MAP3K13: variants seen among roughly 807,000 people sequenced by gnomAD.
The protein encoded by MAP3K13 is leucine zipper-bearing kinase.
In MAP3K13, 52 loss-of-function variants were observed where a neutral mutation model predicts 104.0. That is an observed-to-expected ratio of 0.50 (90% confidence interval 0.40 to 0.63). The LOEUF is 0.63. Ranked by LOEUF, MAP3K13 falls within the 20% of genes least tolerant of loss-of-function variation. The pLI is 0.00. For missense variants in MAP3K13, 914 were observed against 1,218.5 expected (o/e 0.75, Z 3.72); for synonymous variants, 394 against 442.2 (o/e 0.89, Z 1.37).
At chr3:185,292,701 G>A (rs1260152074) in intron 2 of MAP3K13, 2 of 985,300 alleles carry the variant, frequency 2.0e-6, no homozygotes, top group Admixed American at 6.1e-5. Flanking sequence ...CTCACTGAAA[G>A]CATGTACCAT....
At chr3:185,302,445 A>G (rs1348561213) in intron 2 of MAP3K13, among the ~76,000 whole-genome samples, 1 of 152,078 alleles carries the variant, frequency 6.6e-6, no homozygotes, top group Non-Finnish European at 1.5e-5. Context: ...AATAAATAAT[A>G]TTAAGTCTTC....
At chr3:185,402,318 A>G (rs1484718065) in intron 1 of MAP3K13, among the ~76,000 whole-genome samples, 1 of 151,894 alleles carries the variant, frequency 6.6e-6, no homozygotes, top group Non-Finnish European at 1.5e-5. Flanking sequence ...TTATTTATTT[A>G]TTGTCAGGGT....
chr3:185,416,208 C>A (rs1257765617), intron 1 of MAP3K13, among the ~76,000 whole-genome samples: 1 of 152,106 alleles, frequency 6.6e-6, no homozygotes, highest in Non-Finnish European at 1.5e-5. Context: ...CCGTTCCCCT[C>A]TTCTTAGCTC....
At position 185,466,900 on chromosome 3, in the gene MAP3K13, A is replaced by G; in HGVS notation, c.1580A>G (p.Asn527Ser). Residue 527 changes from asparagine to serine, a missense_variant, in exon 10 of 14, where the codon AAT (asparagine) becomes AGT (serine). By Grantham distance (46) the Asn-to-Ser change is conservative (BLOSUM62 1). Transcript: ENST00000265026. ...RHPVRPIIHPNAMEKLMKRKG... is the reference protein window; with the variant it reads ...RHPVRPIIHPSAMEKLMKRKG... ...CCTGTTCGTCCTATCATCCATCCCAATGCCATGGAGAAACTCATGAAAAGG... is the reference window on the plus strand; with the variant it reads ...CCTGTTCGTCCTATCATCCATCCCAGTGCCATGGAGAAACTCATGAAAAGG... 2 of 1,613,988 alleles carry G rather than the reference A, an allele frequency of 1.2e-6. No individual in the cohort carries two copies. Among genetic ancestry groups the G allele is most frequent in the Non-Finnish European group, 1.7e-6 (2 of 1,179,850 alleles).
intron 1 of MAP3K13, among the ~76,000 whole-genome samples, chr3:185,414,678 A>G (rs1206203177): frequency 6.6e-6 from 1 of 152,204 alleles, no homozygotes; most frequent in East Asian, 1.9e-4. Flanking sequence ...TGGAAGTCGA[A>G]GTCTGTTACT....
chr3:185,469,676 G>A (rs1282734157), intron 10 of MAP3K13, among the ~76,000 whole-genome samples: 1 of 152,130 alleles, frequency 6.6e-6, no homozygotes, highest in African/African-American at 2.4e-5. Flanking sequence ...GCCTACTTAT[G>A]AGCTGTGGCT....
At chr3:185,362,981 A>ACACACACACACACACACACACT (rs1479395247), upstream of MAP3K13, 5 of 461,544 alleles carry the variant, frequency 1.1e-5, no homozygotes. Flanking sequence ...ACACACACAC[A>ACACACACACACACACACACACT]CTCAAGCTGC....
intron 2 of MAP3K13, among the ~76,000 whole-genome samples, chr3:185,331,841 A>G (rs1722295509): frequency 6.6e-6 from 1 of 152,222 alleles, no homozygotes; most frequent in South Asian, 2.1e-4. Context: ...AAGGAAATAT[A>G]AAAGTATAAA....
chr3:185,455,670 T>TATATATATC (rs1716608686), intron 7 of MAP3K13, among the ~76,000 whole-genome samples: 3 of 23,254 alleles, frequency 1.3e-4, no homozygotes, highest in Non-Finnish European at 3.4e-4. Context: ...ATATATATGA[T>TATATATATC]ATATATATGA....
At chr3:185,343,738 A>G (rs966840810) in intron 2 of MAP3K13, among the ~76,000 whole-genome samples, 3 of 152,232 alleles carry the variant, frequency 2.0e-5, no homozygotes, top group Non-Finnish European at 2.9e-5. Context: ...GGTGTAAGCC[A>G]CTGCGCCTGG....
chr3:185,466,707 T>C, intron 9 of MAP3K13, 119 bp from the exon 10 acceptor site: 2 of 1,197,388 alleles, frequency 1.7e-6, no homozygotes, highest in South Asian at 2.7e-5. Context: ...TGAATAGCAG[T>C]CTTGTTATTC....
Position 185,453,677 on chromosome 3 carries a change from G to A in MAP3K13, c.1278+2282G>A, listed in dbSNP as rs531943099. ...CCAGCTACTCAGGAGGCTGAGGCAG[G>A]AGAATCACTTGAACCTGGGAGGCGG... On this transcript the variant is annotated intron_variant, in intron 7 of 13. Transcript: ENST00000265026. Among the ~76,000 whole-genome samples the A allele has an allele frequency of 6.6e-5, 10 of 151,240 alleles. No individual in the cohort carries two copies. The South Asian group carries it at 2.1e-3, about 32-fold the overall frequency.
chr3:185,357,342 G>A (rs374751430), intron 2 of MAP3K13, among the ~76,000 whole-genome samples: 3 of 150,978 alleles, frequency 2.0e-5, no homozygotes, highest in Admixed American at 2.0e-4. Flanking sequence ...CAGCTACTCA[G>A]GAGGCTGAGG....
intron 2 of MAP3K13, among the ~76,000 whole-genome samples, chr3:185,432,609 T>C (rs1303209022): frequency 6.6e-6 from 1 of 152,132 alleles, no homozygotes; most frequent in African/African-American, 2.4e-5. Flanking sequence ...GTCTTAGACT[T>C]ACTTTTGGTG....
At chr3:185,333,641 C>T in intron 2 of MAP3K13, among the ~76,000 whole-genome samples, 1 of 152,152 alleles carries the variant, frequency 6.6e-6, no homozygotes, top group Middle Eastern at 3.2e-3. Flanking sequence ...AGCCTGTAAT[C>T]CCAACATTTT....
At chr3:185,310,278 C>G (rs1049717111) in intron 2 of MAP3K13, among the ~76,000 whole-genome samples, 1 of 152,194 alleles carries the variant, frequency 6.6e-6, no homozygotes, top group Non-Finnish European at 1.5e-5. Context: ...GAATAGGCAT[C>G]TCCATTTCCA....
At chr3:185,420,278 T>C (rs961341011) in intron 1 of MAP3K13, among the ~76,000 whole-genome samples, 1 of 152,174 alleles carries the variant, frequency 6.6e-6, no homozygotes, top group Non-Finnish European at 1.5e-5. Context: ...AAAGGCACGA[T>C]TGTAGGCCAT....
At chr3:185,465,272 G>A (rs1407243450) in intron 8 of MAP3K13, among the ~76,000 whole-genome samples, 1 of 152,126 alleles carries the variant, frequency 6.6e-6, no homozygotes, top group Non-Finnish European at 1.5e-5. Flanking sequence ...CACTGCATCT[G>A]GCCAACCCCA....
intron 10 of MAP3K13, 33 bp from the exon 11 acceptor site, chr3:185,472,942 G>A: frequency 6.3e-7 from 1 of 1,587,040 alleles, no homozygotes; most frequent in Non-Finnish European, 8.6e-7. Context: ...GTGTTTTCAT[G>A]TGTTTCAGAT....
Sources: allele counts gnomAD v4.1 joint callset (sites outside exome capture counted in the v4.1 genomes callset), GRCh38; gene constraint gnomAD v4.1.1; transcripts MANE v1.5; gene names NCBI Gene and HGNC (gene_info 2026-07-23, HGNC 2026-07-21).